Variants in GUCA1A observed in about 807,000 individuals in gnomAD.
GUCA1A encodes the protein guanylate cyclase activator 1A.
GUCA1A carries 14 observed loss-of-function variants against 18.5 expected under a neutral mutation model. The ratio of observed to expected loss-of-function variants is 0.76; its 90% CI spans 0.50 to 1.18. The LOEUF (loss-of-function observed/expected upper bound fraction) is 1.18. Among genes scored for constraint, GUCA1A ranks in the 50% most tolerant of loss-of-function variants. The pLI is 0.00. For missense variants in GUCA1A, 264 were observed against 262.4 expected (o/e 1.01, Z -0.04); for synonymous variants, 97 against 100.2 (o/e 0.97, Z 0.19).
chr6:42,173,646 G>T lies in GUCA1A; in HGVS notation c.33G>T (p.Glu11Asp), dbSNP rs978386812. Residue 11 changes from glutamate (E) to aspartate (D), a missense_variant, in exon 1 of 4, where the codon GAG (glutamate) becomes GAT (aspartate). Transcript: ENST00000372958. ...ACGTGATGGAGGGAAAGTCAGTGGA[G>T]GAGCTGAGCAGCACCGAGTGCCACC... is the stretch of plus-strand genomic sequence containing the variant. MGNVMEGKSV[E>D]ELSSTECHQW... 1 of 1,614,180 alleles carries T rather than the reference G, an allele frequency of 6.2e-7. No homozygotes were observed. The highest frequency in any genetic ancestry group is 1.7e-5 in the Admixed American group (1 of 60,024).
chr6:42,174,385 G>C (rs74872897), intron 1 of GUCA1A, among the ~76,000 whole-genome samples: 23 of 152,312 alleles, frequency 1.5e-4, no homozygotes, highest in Admixed American at 8.5e-4. Flanking sequence ...ACTGGAGACA[G>C]ACAGGGTTGC....
chr6:42,179,373 G>T lies in GUCA1A; in HGVS notation c.576G>T (p.Gly192=). The T allele has an allele frequency of 6.2e-7, 1 of 1,607,858 alleles. No individual in the cohort carries two copies. Among genetic ancestry groups the T allele is most frequent in the Non-Finnish European group, 8.5e-7 (1 of 1,176,128 alleles). ...AGAATGGCGAGCAAGACGAGGAGGG[G>T]GCTGACGAGGCCGCTGAGGCAGCCG... The part of the protein sequence containing the change: ...RLQNGEQDEE[G]ADEAAEAAG Residue 192 remains glycine (G), a synonymous_variant, in exon 4 of 4, where the codon GGG becomes GGT. Coordinates refer to ENST00000372958, the MANE Select transcript of GUCA1A (RefSeq NM_001384910.1).
At chr6:42,174,095 G>A (rs945964993) in intron 1 of GUCA1A, among the ~76,000 whole-genome samples, 8 of 152,230 alleles carry the variant, frequency 5.3e-5, no homozygotes, top group African/African-American at 1.7e-4. Flanking sequence ...GGGCAAGACA[G>A]AGAGGCCCAC....
chr6:42,179,044 C>A, intron 3 of GUCA1A, 149 bp downstream of exon 3: 1 of 878,210 alleles, frequency 1.1e-6, no homozygotes, highest in Non-Finnish European at 1.9e-6. Flanking sequence ...TGCCTCTGCC[C>A]CAGCCACAAA....
In GUCA1A at chr6:42,173,686, T is replaced by C; in HGVS notation, c.73T>C (p.Phe25Leu). 2 of 1,614,044 alleles carry C rather than the reference T, an allele frequency of 1.2e-6. No individual in the cohort carries two copies. Among genetic ancestry groups the C allele is most frequent in the Admixed American group, 1.7e-5 (1 of 60,034 alleles). ...CGAGTGCCACCAGTGGTACAAGAAG[T>C]TCATGACTGAGTGCCCCTCTGGCCA... ...STECHQWYKK[F>L]MTECPSGQLT... Residue 25 changes from phenylalanine to leucine, a missense_variant, in exon 1 of 4, where the codon TTC (phenylalanine) becomes CTC (leucine). Coordinates refer to ENST00000372958, the MANE Select transcript of GUCA1A (RefSeq NM_001384910.1).
In GUCA1A at chr6:42,179,528, T is replaced by A; in HGVS notation, c.*125T>A. The A allele has an allele frequency of 1.3e-6, 1 of 786,216 alleles. No individual in the cohort carries two copies. Among genetic ancestry groups the A allele is most frequent in the Non-Finnish European group, 2.0e-6 (1 of 507,800 alleles). The allele number at this position is 786,216 out of a possible 1,614,324, so 48.7% of individuals were successfully genotyped here. On this transcript the variant is annotated 3_prime_UTR_variant, in exon 4 of 4. Transcript: ENST00000372958. ...AGAGGCTTAGCTCGCCTCTTTAGGG[T>A]CCATGGTGGCAGCAGAGAGGCAGAA...
At position 42,179,737 on chromosome 6, in the gene GUCA1A, C is replaced by G. The variant is rs1233901665; in HGVS notation, c.*334C>G. 4 of 211,820 alleles carry G rather than the reference C, an allele frequency of 1.9e-5. No individual in the cohort carries two copies. Among genetic ancestry groups the G allele is most frequent in the African/African-American group, 9.2e-5 (4 of 43,294 alleles). 13.1% of individuals were successfully genotyped at this position (211,820 alleles called of 1,614,324 possible). On this transcript the variant is annotated 3_prime_UTR_variant, in exon 4 of 4. Transcript: ENST00000372958. ...CCCCACTGAGCTTCTCCAGTCCATGCTCTTCTGGACGTGGACTCTCTGAGG... is the reference window on the plus strand; with the variant it reads ...CCCCACTGAGCTTCTCCAGTCCATGGTCTTCTGGACGTGGACTCTCTGAGG...
intron 1 of GUCA1A, among the ~76,000 whole-genome samples, chr6:42,174,837 G>A (rs1027277207): frequency 2.6e-5 from 4 of 152,384 alleles, no homozygotes; most frequent in Non-Finnish European, 5.9e-5. Flanking sequence ...ATGAGGCGCT[G>A]CCGCGTGTCC....
intron 1 of GUCA1A, among the ~76,000 whole-genome samples, chr6:42,174,908 G>A (rs1328260896): frequency 6.6e-6 from 1 of 152,228 alleles, no homozygotes; most frequent in African/African-American, 2.4e-5. Context: ...ACCATCATGG[G>A]TGGGGCTTCT....
At chr6:42,178,243 C>T in intron 1 of GUCA1A, 37 bp from the exon 2 acceptor site, 1 of 1,611,686 alleles carries the variant, frequency 6.2e-7, no homozygotes, top group Non-Finnish European at 8.5e-7. Flanking sequence ...GTGAGCGGGG[C>T]CCGGATGGGC....
At chr6:42,178,627 C>G (rs1291630883) in intron 2 of GUCA1A, 175 bp from the exon 3 acceptor site, 2 of 815,248 alleles carry the variant, frequency 2.5e-6, no homozygotes, top group South Asian at 1.3e-5. Context: ...TCATCAATAC[C>G]AAAAGACGAT....
chr6:42,179,305 C>T lies in GUCA1A; in HGVS notation c.508C>T (p.Leu170=). 2 of 1,613,792 alleles carry T rather than the reference C, an allele frequency of 1.2e-6. No homozygotes were observed. The highest frequency in any genetic ancestry group is 1.7e-6 in the Non-Finnish European group (2 of 1,179,674). ...VQKDQMLLDT[L]TRSLDLTRIV... ...GAAGGACCAGATGCTCCTGGACACA[C>T]TGACACGAAGCCTGGACCTTACCCG... Residue 170 remains leucine (L), a synonymous_variant, in exon 4 of 4, where the codon CTG becomes TTG. Coordinates refer to ENST00000372958, the MANE Select transcript of GUCA1A (RefSeq NM_001384910.1).
chr6:42,173,406 G>A lies in GUCA1A; in HGVS notation c.-208G>A. 3.2e-6 allele frequency: 2 copies of A among 618,702 alleles called. 1 individual carries two copies. Among genetic ancestry groups the A allele is most frequent in the Non-Finnish European group, 5.8e-6 (2 of 344,772 alleles). The allele number at this position is 618,702 out of a possible 1,614,324, so 38.3% of individuals were successfully genotyped here. On this transcript the variant is annotated 5_prime_UTR_variant, in exon 1 of 4. Coordinates refer to ENST00000372958, the MANE Select transcript of GUCA1A (RefSeq NM_001384910.1). ...CCAGTTCTCTGGCATCTGTGAGTTT[G>A]AGTGTGGGCCATCATCTTCTTCCTT...
chr6:42,177,861 G>C (rs1582322493), intron 1 of GUCA1A, among the ~76,000 whole-genome samples: 1 of 152,140 alleles, frequency 6.6e-6, no homozygotes, highest in Non-Finnish European at 1.5e-5. Context: ...CCCAAACCAC[G>C]CTCCCATCCC....
At chr6:42,174,981 G>A (rs1316325806) in intron 1 of GUCA1A, among the ~76,000 whole-genome samples, 2 of 152,240 alleles carry the variant, frequency 1.3e-5, no homozygotes, top group African/African-American at 2.4e-5. Flanking sequence ...AGGGACCAAA[G>A]TAGATTACGG....
Position 42,179,749 on chromosome 6 carries a change from T to G in GUCA1A, c.*346T>G, listed in dbSNP as rs1485884048. 1 of 194,704 alleles carries G rather than the reference T, an allele frequency of 5.1e-6. No homozygotes were observed. The highest frequency in any genetic ancestry group is 2.3e-5 in the African/African-American group (1 of 42,690). 12.1% of individuals were successfully genotyped at this position (194,704 alleles called of 1,614,324 possible). A position where few individuals can be genotyped will look rare whatever the true frequency, so the allele number is the denominator to read the frequency against. On this transcript the variant is annotated 3_prime_UTR_variant, in exon 4 of 4. Coordinates refer to ENST00000372958, the MANE Select transcript of GUCA1A (RefSeq NM_001384910.1). ...TCTCCAGTCCATGCTCTTCTGGACG[T>G]GGACTCTCTGAGGCAGAACTGAGCT... is the stretch of plus-strand genomic sequence containing the variant.
At chr6:42,178,483 C>T (rs1768021630) in intron 2 of GUCA1A, 54 bp downstream of exon 2, 2 of 1,476,630 alleles carry the variant, frequency 1.4e-6, no homozygotes, top group Non-Finnish European at 1.9e-6. Flanking sequence ...GGACCCGGAA[C>T]TGAGAGCCCA....
At chr6:42,177,244 C>T (rs528048079) in intron 1 of GUCA1A, among the ~76,000 whole-genome samples, 39 of 152,224 alleles carry the variant, frequency 2.6e-4, no homozygotes, top group African/African-American at 9.2e-4. Flanking sequence ...CCTAATCTCT[C>T]TCAACTTTGG....
At chr6:42,173,875 C>T (rs981738605) in intron 1 of GUCA1A, 61 bp downstream of exon 1, 1 of 1,276,162 alleles carries the variant, frequency 7.8e-7, no homozygotes, top group East Asian at 2.3e-5. Context: ...GGAAGCCTGA[C>T]CAGCTGGGGG....
Sources: allele counts gnomAD v4.1 joint callset (sites outside exome capture counted in the v4.1 genomes callset), GRCh38; gene constraint gnomAD v4.1.1; transcripts MANE v1.5; gene names NCBI Gene and HGNC (gene_info 2026-07-23, HGNC 2026-07-21).